NTM: variants seen among roughly 807,000 people sequenced by gnomAD.
The protein encoded by NTM is IgLON family member 2.
In NTM, 13 loss-of-function variants were observed where a neutral mutation model predicts 42.1. That is an observed-to-expected ratio of 0.31 (90% CI 0.20 to 0.49). NTM has a LOEUF of 0.49. Ranked by LOEUF, NTM falls within the 20% of genes least tolerant of loss-of-function variation. NTM has a pLI of 0.99. For synonymous variants in NTM, 187 were observed against 179.2 expected (o/e 1.04, Z -0.35); for missense variants, 373 against 452.8 (o/e 0.82, Z 1.60).
intron 2 of NTM, among the ~76,000 whole-genome samples, chr11:132,044,727 A>T (rs987878747): frequency 6.6e-6 from 1 of 152,140 alleles, no homozygotes; most frequent in Non-Finnish European, 1.5e-5. Context: ...TCCATGGGAC[A>T]CTGCCTAGTG....
rs1389527843 is a variant in NTM, at chr11:132,081,773, C to A, written c.168-64509C>A. Among the ~76,000 whole-genome samples, 8 of 150,256 alleles carry A rather than the reference C, an allele frequency of 5.3e-5. No homozygotes were observed. In the South Asian group the frequency reaches 1.1e-3, roughly 20 times the overall value. ...CAGACTGGCTCTTTAAATCTACTAA[C>A]ACTTGTATGAAGTAATAGCTTTCAA... On this transcript the variant is annotated intron_variant, in intron 2 of 8. Coordinates refer to ENST00000683400, the MANE Select transcript of NTM (RefSeq NM_001352005.2).
chr11:131,702,263 A>C (rs550870678), intron 1 of NTM, among the ~76,000 whole-genome samples: 1 of 152,304 alleles, frequency 6.6e-6, no homozygotes, highest in African/African-American at 2.4e-5. Context: ...CTTCTCTCTA[A>C]AAAGAAAAAA....
At chr11:132,135,052 TC>T (rs1255534525) in intron 2 of NTM, among the ~76,000 whole-genome samples, 1 of 152,018 alleles carries the variant, frequency 6.6e-6, no homozygotes, top group Admixed American at 6.6e-5. Flanking sequence ...CAAATCCTCC[TC>T]CCCTCCCCAC....
intron 1 of NTM, among the ~76,000 whole-genome samples, chr11:131,410,513 T>TA (rs1249361337): frequency 1.3e-4 from 1 of 7,966 alleles, no homozygotes; most frequent in Admixed American, 1.5e-3. Flanking sequence ...AAACAAACAA[T>TA]AACCAAAAAA....
intron 1 of NTM, among the ~76,000 whole-genome samples, chr11:131,598,560 C>T (rs2060012748): frequency 6.6e-6 from 1 of 152,136 alleles, no homozygotes; most frequent in Admixed American, 6.5e-5. Flanking sequence ...GAGCTCCCCC[C>T]TCCATTAGTC....
At chr11:132,178,883 G>T (rs776410625) in intron 3 of NTM, among the ~76,000 whole-genome samples, 62 of 152,310 alleles carry the variant, frequency 4.1e-4, no homozygotes, top group Admixed American at 1.9e-3. Flanking sequence ...ATAGAATTTA[G>T]CATTTAACTT....
intron 1 of NTM, among the ~76,000 whole-genome samples, chr11:131,371,897 A>T (rs796884089): frequency 1.1e-4 from 16 of 152,316 alleles, no homozygotes; most frequent in African/African-American, 3.6e-4. Context: ...GGGCTCCGGG[A>T]GGAGGAGCCC....
intron 2 of NTM, among the ~76,000 whole-genome samples, chr11:131,942,732 G>A (rs1442477884): frequency 1.3e-5 from 2 of 152,060 alleles, no homozygotes; most frequent in Admixed American, 1.3e-4. Context: ...GATCGTTTGA[G>A]GTCAGGAGTT....
At chr11:131,785,939 C>T (rs891555227) in intron 1 of NTM, among the ~76,000 whole-genome samples, 4 of 152,074 alleles carry the variant, frequency 2.6e-5, no homozygotes, top group East Asian at 1.9e-4. Context: ...GTAGTGCAGG[C>T]GTTCTATGTT....
At chr11:132,036,089 C>T (rs1256836208) in intron 2 of NTM, among the ~76,000 whole-genome samples, 1 of 152,120 alleles carries the variant, frequency 6.6e-6, no homozygotes, top group African/African-American at 2.4e-5. Flanking sequence ...CCAGTGATCT[C>T]TTATCCTGTT....
intron 1 of NTM, among the ~76,000 whole-genome samples, chr11:131,891,002 G>A (rs1391969349): frequency 6.6e-6 from 1 of 152,172 alleles, no homozygotes; most frequent in East Asian, 1.9e-4. Flanking sequence ...AGGAGAATGT[G>A]CGAATTTGTT....
chr11:131,785,277 A>T (rs1048366734), intron 1 of NTM, among the ~76,000 whole-genome samples: 2 of 152,218 alleles, frequency 1.3e-5, no homozygotes, highest in Non-Finnish European at 2.9e-5. Context: ...AACACCTGAA[A>T]GCACCTGAGC....
intron 7 of NTM, among the ~76,000 whole-genome samples, chr11:132,319,076 C>A (rs1205843953): frequency 1.3e-5 from 2 of 152,188 alleles, no homozygotes; most frequent in African/African-American, 4.8e-5. Flanking sequence ...GTTTATTGAA[C>A]CTCCATGTGA....
At chr11:131,504,399 C>T (rs558061840) in intron 1 of NTM, among the ~76,000 whole-genome samples, 3 of 152,302 alleles carry the variant, frequency 2.0e-5, no homozygotes, top group Admixed American at 1.3e-4. Context: ...CAGATAGGAC[C>T]GCAGCTACCC....
chr11:132,057,531 C>T (rs2079893291), intron 2 of NTM, among the ~76,000 whole-genome samples: 1 of 152,304 alleles, frequency 6.6e-6, no homozygotes, highest in South Asian at 2.1e-4. Context: ...ACATGAGTGT[C>T]CACCACGAGT....
At chr11:132,170,528 TA>T (rs35087488) in intron 3 of NTM, among the ~76,000 whole-genome samples, 2 of 152,182 alleles carry the variant, frequency 1.3e-5, no homozygotes, top group Non-Finnish European at 2.9e-5. Context: ...TTTGTAATGA[TA>T]AAAAAAGTCC....
At chr11:131,726,577 C>G (rs527914296) in intron 1 of NTM, among the ~76,000 whole-genome samples, 1 of 151,262 alleles carries the variant, frequency 6.6e-6, no homozygotes, top group Admixed American at 6.6e-5. Context: ...GGCTACCAAC[C>G]ATCACAGCCC....
chr11:132,129,785 C>A (rs2137057292), intron 2 of NTM, among the ~76,000 whole-genome samples: 1 of 152,342 alleles, frequency 6.6e-6, no homozygotes, highest in Middle Eastern at 3.4e-3. Context: ...GCATACAGTA[C>A]AGGAGGTACC....
chr11:132,176,107 C>T (rs2137941895), intron 3 of NTM, among the ~76,000 whole-genome samples: 1 of 152,184 alleles, frequency 6.6e-6, no homozygotes, highest in East Asian at 1.9e-4. Flanking sequence ...TTGATCAAGT[C>T]ACATTTCGAT....
Sources: gnomAD v4.1 joint callset for allele counts (sites outside exome capture counted in the v4.1 genomes callset) on GRCh38, gnomAD v4.1.1 for gene constraint, MANE v1.5 for transcripts, NCBI Gene and HGNC (gene_info 2026-07-23, HGNC 2026-07-21) for gene names.